The following PKHD1 variants were observed in gnomAD, a reference collection of about 807,000 sequenced individuals.
PKHD1 encodes the protein fibrocystin.
In PKHD1, 291 loss-of-function variants were observed where a neutral mutation model predicts 412.0. The observed-to-expected ratio is 0.71, with a 90% CI of 0.64 to 0.78. The LOEUF (loss-of-function observed/expected upper bound fraction) is 0.78. Among genes scored for constraint, PKHD1 ranks in the 30% least tolerant of loss-of-function variants. PKHD1 has a pLI of 0.00. For missense variants in PKHD1, 4,825 were observed against 4,950.7 expected (o/e 0.97, Z 0.76); for synonymous variants, 1,777 against 1,821.5 (o/e 0.98, Z 0.62).
chr6:52,063,374 A>G (rs1312514056), intron 13 of PKHD1, among the ~76,000 whole-genome samples: 1 of 152,188 alleles, frequency 6.6e-6, no homozygotes, highest in Admixed American at 6.5e-5. Context: ...TCATGCATCA[A>G]AATGGGACCA....
chr6:51,779,434 C>T (rs1311485305), intron 53 of PKHD1, among the ~76,000 whole-genome samples: 1 of 152,072 alleles, frequency 6.6e-6, no homozygotes, highest in Non-Finnish European at 1.5e-5. Context: ...CACAGAATGC[C>T]ATGTTTTGCT....
At chr6:52,048,661 G>T (rs764558661) in intron 22 of PKHD1, 42 bp from the exon 23 acceptor site, 1 of 1,612,598 alleles carries the variant, frequency 6.2e-7, no homozygotes, top group South Asian at 1.1e-5. Flanking sequence ...CTGGGTTGGG[G>T]TGTGCACCTA....
rs1782979614 is a variant in PKHD1, at chr6:51,911,789, A to G, written c.6490+10T>C. 1 of 1,610,010 alleles carries G rather than the reference A, an allele frequency of 6.2e-7. No individual in the cohort carries two copies. Reference sequence around the variant, plus strand: ...TGCTCATTAGACTTTCCAACAAAACACTCTTCTACCTTCTGGAGCATTGGC... The same window carrying G: ...TGCTCATTAGACTTTCCAACAAAACGCTCTTCTACCTTCTGGAGCATTGGC... On this transcript the variant is annotated intron_variant, in intron 39 of 66. Coordinates refer to ENST00000371117, the MANE Select transcript of PKHD1 (RefSeq NM_138694.4).
chr6:51,978,251 A>G (rs991512390), intron 35 of PKHD1, among the ~76,000 whole-genome samples: 10 of 152,230 alleles, frequency 6.6e-5, no homozygotes, highest in Admixed American at 1.3e-4. Context: ...GCCTTTTAAA[A>G]TTAGATAAAT....
intron 52 of PKHD1, among the ~76,000 whole-genome samples, chr6:51,812,179 A>C (rs4142798): frequency 0.78 from 118,502 of 151,588 alleles, 46,507 homozygotes; most frequent in East Asian, 0.97. Flanking sequence ...TAGGGTTTTA[A>C]TAGCTGGTAG....
chr6:51,898,809 C>A (rs374171759), intron 43 of PKHD1, among the ~76,000 whole-genome samples: 11 of 149,974 alleles, frequency 7.3e-5, no homozygotes, highest in African/African-American at 1.2e-4. Flanking sequence ...ATCAAATAGA[C>A]GCAATAAAAA....
chr6:52,011,956 A>G (rs1204594041), intron 34 of PKHD1, among the ~76,000 whole-genome samples: 1 of 152,198 alleles, frequency 6.6e-6, no homozygotes, highest in Non-Finnish European at 1.5e-5. Flanking sequence ...TTTGAAGGCC[A>G]CCGTGCTTAT....
chr6:51,806,347 G>C (rs1763782170), intron 52 of PKHD1, among the ~76,000 whole-genome samples: 1 of 152,154 alleles, frequency 6.6e-6, no homozygotes, highest in Non-Finnish European at 1.5e-5. Context: ...AGCCAGGATT[G>C]GATAAAGTGT....
At chr6:51,830,187 A>G (rs2151506673) in intron 52 of PKHD1, among the ~76,000 whole-genome samples, 1 of 152,270 alleles carries the variant, frequency 6.6e-6, no homozygotes, top group African/African-American at 2.4e-5. Flanking sequence ...GGGAAAATAT[A>G]ATTGTCCTAT....
intron 14 of PKHD1, among the ~76,000 whole-genome samples, chr6:52,061,780 A>C (rs1808718383): frequency 6.6e-6 from 1 of 152,136 alleles, no homozygotes; most frequent in Non-Finnish European, 1.5e-5. Flanking sequence ...ATCCTCTCTA[A>C]GAAGGATTTC....
intron 36 of PKHD1, among the ~76,000 whole-genome samples, chr6:51,939,641 C>A (rs1352197204): frequency 6.6e-6 from 1 of 151,532 alleles, no homozygotes; most frequent in East Asian, 1.9e-4. Context: ...GTCTGAGATG[C>A]CTGACGTCCA....
At chr6:51,829,362 G>A (rs575080167) in intron 52 of PKHD1, among the ~76,000 whole-genome samples, 100 of 152,144 alleles carry the variant, frequency 6.6e-4, no homozygotes, top group Non-Finnish European at 1.0e-3. Context: ...CTCCTTGCTC[G>A]GCATAAAAAC....
At chr6:52,077,421 C>T (rs995027627) in intron 5 of PKHD1, among the ~76,000 whole-genome samples, 4 of 152,274 alleles carry the variant, frequency 2.6e-5, no homozygotes, top group African/African-American at 9.6e-5. Flanking sequence ...CTCCCCCAAT[C>T]CCTTCTAGAT....
intron 52 of PKHD1, among the ~76,000 whole-genome samples, chr6:51,811,514 A>C (rs144299289): frequency 1.5e-3 from 236 of 152,316 alleles, no homozygotes; most frequent in African/African-American, 5.2e-3. Context: ...TACTTAGAAC[A>C]TATGCTTTTC....
At position 51,648,046 on chromosome 6, in the gene PKHD1, C is replaced by T. The variant is rs945948498; in HGVS notation, c.11383G>A (p.Asp3795Asn). 10 of 1,595,064 alleles carry T rather than the reference C, an allele frequency of 6.3e-6. No homozygotes were observed. The highest frequency in any genetic ancestry group is 7.7e-6 in the Non-Finnish European group (9 of 1,162,642). The stretch of plus-strand genomic sequence containing the variant: ...CTTTACCTACCTTTTAGCACTGAGT[C>T]TGATGCTCCTTCCAGGGAAGCTGAA... ...TISASLEGAS[D>N]SVLKGCTQAE... Residue 3795 changes from aspartate to asparagine, a missense_variant, in exon 63 of 67, where the codon GAC becomes AAC. Transcript: ENST00000371117.
intron 36 of PKHD1, among the ~76,000 whole-genome samples, chr6:51,937,963 A>T (rs569710684): frequency 1.3e-5 from 2 of 152,302 alleles, no homozygotes; most frequent in East Asian, 3.9e-4. Context: ...TCCTAGCCTC[A>T]CAGGCTGGCT....
intron 60 of PKHD1, among the ~76,000 whole-genome samples, chr6:51,667,076 G>A (rs1197750242): frequency 1.4e-5 from 2 of 148,010 alleles, no homozygotes; most frequent in Non-Finnish European, 3.0e-5. Flanking sequence ...GGGATGGCTG[G>A]GTCAAATGGT....
chr6:51,966,820 G>A lies in PKHD1; in HGVS notation c.5752-6794C>T, dbSNP rs373830917. On this transcript the variant is annotated intron_variant, in intron 35 of 66. Coordinates refer to ENST00000371117, the MANE Select transcript of PKHD1 (RefSeq NM_138694.4). ...TGCTCTGAAGTAAAAAAGAAACAGGGTGAAGTGGATCAGAAGTGCCAGGGT... is the reference window on the plus strand; with the variant it reads ...TGCTCTGAAGTAAAAAAGAAACAGGATGAAGTGGATCAGAAGTGCCAGGGT... Among the ~76,000 whole-genome samples, 27 of 152,224 alleles carry A rather than the reference G, an allele frequency of 1.8e-4. 1 individual carries two copies. Among genetic ancestry groups the A allele is most frequent in the African/African-American group, 6.3e-4 (26 of 41,532 alleles).
At chr6:52,065,077 ATG>A (rs757127841) in intron 12 of PKHD1, 27 bp from the exon 13 acceptor site, 524 of 1,150,148 alleles carry the variant, frequency 4.6e-4, no homozygotes, top group East Asian at 5.8e-4. Flanking sequence ...AAATTTATGT[ATG>A]TGTGTGTGTG....
Sources: allele counts gnomAD v4.1 joint callset (sites outside exome capture counted in the v4.1 genomes callset), GRCh38; gene constraint gnomAD v4.1.1; transcripts MANE v1.5; gene names NCBI Gene and HGNC (gene_info 2026-07-23, HGNC 2026-07-21).